EIF2AK2: variants seen among roughly 807,000 people sequenced by gnomAD.
EIF2AK2 encodes eukaryotic translation initiation factor 2 alpha kinase 2.
Under a neutral mutation model 70.5 loss-of-function variants are expected in EIF2AK2, and 40 were observed. That is an observed-to-expected ratio of 0.57 (90% CI 0.44 to 0.74). The LOEUF is 0.74. Among genes scored for constraint, EIF2AK2 ranks in the 30% least tolerant of loss-of-function variants. The probability of loss-of-function intolerance (pLI) is 0.00; values close to 1 mark genes in which losing one functional copy is unlikely to be tolerated. For synonymous variants in EIF2AK2, 198 were observed against 220.9 expected (o/e 0.90, Z 0.92); for missense variants, 555 against 644.3 (o/e 0.86, Z 1.50).
chr2:37,103,688 C>G lies in EIF2AK2; in HGVS notation c.*3585G>C, dbSNP rs1027348543. The G allele has an allele frequency of 2.9e-4, 44 of 152,290 alleles. 1 individual carries two copies. The highest frequency in any genetic ancestry group is 2.9e-3 in the Admixed American group (44 of 15,296). The allele number at this position is 152,290 out of a possible 1,614,324, so 9.4% of individuals were successfully genotyped here. On this transcript the variant is annotated 3_prime_UTR_variant, in exon 17 of 17. Coordinates refer to ENST00000233057, the MANE Select transcript of EIF2AK2 (RefSeq NM_001135651.3). ...GTTCAAAGAATAATACAACAAACAC[C>G]TGTGTACTGTCATCTAGATTTACCA... is the stretch of plus-strand genomic sequence containing the variant.
At chr2:37,107,606 C>T (rs1014166964) in intron 15 of EIF2AK2, 79 bp from the exon 16 acceptor site, 6 of 1,463,448 alleles carry the variant, frequency 4.1e-6, no homozygotes, top group Admixed American at 4.3e-5. Flanking sequence ...TGAGGAATAC[C>T]TGAAATGTAG....
At chr2:37,129,382 C>T (rs1016452561) in intron 10 of EIF2AK2, among the ~76,000 whole-genome samples, 24 of 152,222 alleles carry the variant, frequency 1.6e-4, no homozygotes, top group African/African-American at 5.8e-4. Flanking sequence ...TTTGGGGACA[C>T]TGGACGATGG....
In EIF2AK2 at chr2:37,141,799, A is replaced by G. The variant is rs1381673934; in HGVS notation, c.241-98T>C. The G allele has an allele frequency of 1.1e-5, 14 of 1,257,994 alleles. No individual in the cohort carries two copies. In the East Asian group the frequency reaches 3.1e-4, roughly 28 times the overall value. 77.9% of individuals were successfully genotyped at this position (1,257,994 alleles called of 1,614,324 possible). ...ATAAAATTACTAAATGAGCAATTTG[A>G]AAGACAACTTGGATGTTATATATTT... On this transcript the variant is annotated intron_variant, in intron 4 of 16. Transcript: ENST00000233057.
chr2:37,152,158 G>A (rs1166768037), intron 1 of EIF2AK2, among the ~76,000 whole-genome samples: 1 of 152,224 alleles, frequency 6.6e-6, no homozygotes, highest in Non-Finnish European at 1.5e-5. Flanking sequence ...CACACATATT[G>A]TATGATTCCC....
intron 11 of EIF2AK2, among the ~76,000 whole-genome samples, chr2:37,124,462 A>G (rs1057397912): frequency 1.3e-5 from 2 of 151,952 alleles, no homozygotes; most frequent in Non-Finnish European, 2.9e-5. Flanking sequence ...GAGTTTCACC[A>G]TGTTGGCCAG....
intron 1 of EIF2AK2, among the ~76,000 whole-genome samples, chr2:37,152,795 A>G (rs546892806): frequency 2.0e-5 from 3 of 152,184 alleles, no homozygotes; most frequent in Admixed American, 2.0e-4. Flanking sequence ...CTCCACTTGA[A>G]CATCTTGAAC....
Position 37,107,269 on chromosome 2 carries a change from G to A in EIF2AK2, c.*4C>T. ...CAGAAGCAGGATACTTTTTCAGAAG[G>A]GCTCTAACATGTGTGTCGTTCATTT... is the stretch of plus-strand genomic sequence containing the variant. On this transcript the variant is annotated 3_prime_UTR_variant, in exon 17 of 17. Coordinates refer to ENST00000233057, the MANE Select transcript of EIF2AK2 (RefSeq NM_001135651.3). The A allele has an allele frequency of 1.2e-6, 2 of 1,604,582 alleles. No individual in the cohort carries two copies. The highest frequency in any genetic ancestry group is 1.1e-5 in the South Asian group (1 of 87,706).
At chr2:37,140,194 G>T (rs984510467) in intron 5 of EIF2AK2, among the ~76,000 whole-genome samples, 1 of 152,092 alleles carries the variant, frequency 6.6e-6, no homozygotes, top group Admixed American at 6.6e-5. Flanking sequence ...ATAGTGTAGG[G>T]GAAGAGCAAA....
intron 14 of EIF2AK2, among the ~76,000 whole-genome samples, chr2:37,110,817 A>G (rs1312285193): frequency 6.6e-6 from 1 of 152,256 alleles, no homozygotes; most frequent in Non-Finnish European, 1.5e-5. Flanking sequence ...ATGAGACTAT[A>G]TATGAGACAA....
intron 1 of EIF2AK2, among the ~76,000 whole-genome samples, chr2:37,155,601 C>A (rs72790618): frequency 0.22 from 32,769 of 152,098 alleles, 3,818 homozygotes; most frequent in Admixed American, 0.35. Flanking sequence ...TTAGTGAGCT[C>A]TTTGGGGAGC....
At chr2:37,138,181 A>C (rs571849263) in intron 8 of EIF2AK2, 89 bp downstream of exon 8, 2 of 1,022,584 alleles carry the variant, frequency 2.0e-6, no homozygotes. Flanking sequence ...AAATATAAAA[A>C]TTATGGTGGA....
At position 37,144,168 on chromosome 2, in the gene EIF2AK2, G is replaced by A. The variant is rs560877113; in HGVS notation, c.241-2467C>T. Among the ~76,000 whole-genome samples, 61 of 152,094 alleles carry A rather than the reference G, an allele frequency of 4.0e-4. 1 individual carries two copies. The highest frequency in any genetic ancestry group is 1.4e-3 in the African/African-American group (60 of 41,482). On this transcript the variant is annotated intron_variant, in intron 4 of 16. Transcript: ENST00000233057. ...TGCCCAGGATAATTTTAAACTCCTG[G>A]GTTACAGCACAATGCATTACTCACA...
At chr2:37,140,107 A>AT (rs1273012508) in intron 5 of EIF2AK2, among the ~76,000 whole-genome samples, 3 of 152,068 alleles carry the variant, frequency 2.0e-5, no homozygotes, top group Non-Finnish European at 4.4e-5. Flanking sequence ...GATCCAGTGA[A>AT]TTTTTTCAGA....
rs540880016 is a variant in EIF2AK2 at position 37,126,466 on chromosome 2, C to A, written c.786-55G>T. On this transcript the variant is annotated intron_variant, in intron 10 of 16. Coordinates refer to ENST00000233057, the MANE Select transcript of EIF2AK2 (RefSeq NM_001135651.3). ...CATTTCATGCTCAACCCCCACCCCCCCGCCTCCCCACTCCTTTCCCTTTAA... is the reference window on the plus strand; with the variant it reads ...CATTTCATGCTCAACCCCCACCCCCACGCCTCCCCACTCCTTTCCCTTTAA... 5.7e-6 allele frequency: 9 copies of A among 1,574,860 alleles called. No homozygotes were observed. In the East Asian group the frequency reaches 1.6e-4, roughly 28 times the overall value.
At chr2:37,147,930 G>T in intron 2 of EIF2AK2, 108 bp from the exon 3 acceptor site, 1 of 630,036 alleles carries the variant, frequency 1.6e-6, no homozygotes, top group Non-Finnish European at 2.8e-6. Flanking sequence ...CCCCTTTATA[G>T]GACTCATCTC....
At chr2:37,108,246 C>T (rs1157045823) in intron 15 of EIF2AK2, among the ~76,000 whole-genome samples, 1 of 152,062 alleles carries the variant, frequency 6.6e-6, no homozygotes, top group Admixed American at 6.6e-5. Context: ...CTCAAGTTAG[C>T]CCAACCTATC....
chr2:37,135,216 T>C (rs547740657), intron 10 of EIF2AK2, among the ~76,000 whole-genome samples: 2 of 152,250 alleles, frequency 1.3e-5, no homozygotes, highest in South Asian at 2.1e-4. Flanking sequence ...GAAACGCTGA[T>C]GAAAAACTTA....
intron 1 of EIF2AK2, among the ~76,000 whole-genome samples, chr2:37,154,582 CAG>C (rs1322057998): frequency 6.6e-6 from 1 of 152,026 alleles, no homozygotes; most frequent in Non-Finnish European, 1.5e-5. Context: ...TCTTTTGAGA[CAG>C]AGTTTCGCTC....
At chr2:37,124,422 C>T (rs1674662591) in intron 11 of EIF2AK2, among the ~76,000 whole-genome samples, 3 of 152,126 alleles carry the variant, frequency 2.0e-5, no homozygotes, top group Admixed American at 1.3e-4. Flanking sequence ...CTGCCATGCC[C>T]AGCTAATTTT....
Sources: allele counts gnomAD v4.1 joint callset (sites outside exome capture counted in the v4.1 genomes callset), GRCh38; gene constraint gnomAD v4.1.1; transcripts MANE v1.5; gene names NCBI Gene and HGNC (gene_info 2026-07-23, HGNC 2026-07-21).